The following RBFOX1 variants were observed in gnomAD, a reference collection of about 807,000 sequenced individuals.
RBFOX1 encodes RNA binding fox-1 homolog 1, also known as RNA binding protein fox-1 homolog 1.
In RBFOX1, 8 loss-of-function variants were observed where a neutral mutation model predicts 57.7. The observed-to-expected ratio is 0.14, with a 90% CI of 0.08 to 0.25. The LOEUF is 0.25. Among genes scored for constraint, RBFOX1 ranks in the 10% least tolerant of loss-of-function variants. The probability of loss-of-function intolerance (pLI) is 1.00; values close to 1 mark genes in which losing one functional copy is unlikely to be tolerated. For synonymous variants in RBFOX1, 326 were observed against 222.4 expected, an observed-to-expected ratio of 1.47 and a Z score of -4.15; for missense variants, 611 against 548.5, an observed-to-expected ratio of 1.11 and a Z score of -1.14.
chr16:6,274,002 T>C (rs2152682334), intron 1 of RBFOX1, among the ~76,000 whole-genome samples: 1 of 152,300 alleles, frequency 6.6e-6, no homozygotes, highest in South Asian at 2.1e-4. Context: ...GTGGTATCAG[T>C]GCACACCTAT....
intron 3 of RBFOX1, among the ~76,000 whole-genome samples, chr16:6,918,610 C>T (rs1441881747): frequency 1.3e-5 from 2 of 152,132 alleles, no homozygotes; most frequent in African/African-American, 2.4e-5. Flanking sequence ...ATTTATCTTA[C>T]CCAAATCTCA....
Position 5,442,323 on chromosome 16 carries a change from C to T in RBFOX1, c.220-24893C>T, listed in dbSNP as rs553629182. ...ATTCATGCGGAGCTGCAGAGGGAGC[C>T]AGGGCCAGGCCACAAGGCCAAGGAA... On this transcript the variant is annotated intron_variant, in intron 1 of 2. Coordinates refer to the RBFOX1 transcript ENST00000585867. Among the ~76,000 whole-genome samples, 8 of 152,330 alleles carry T rather than the reference C, an allele frequency of 5.3e-5. No homozygotes were observed. In the East Asian group the frequency reaches 1.4e-3, roughly 26 times the overall value.
intron 1 of RBFOX1, among the ~76,000 whole-genome samples, chr16:6,280,875 T>C (rs1272085174): frequency 6.6e-6 from 1 of 151,958 alleles, no homozygotes; most frequent in African/African-American, 2.4e-5. Context: ...TGAGATTTTT[T>C]GTTAATATAT....
chr16:6,747,375 C>G (rs1439239479), intron 3 of RBFOX1, among the ~76,000 whole-genome samples: 5 of 151,810 alleles, frequency 3.3e-5, no homozygotes, highest in Non-Finnish European at 7.4e-5. Flanking sequence ...CCATTGCCCT[C>G]CAGACTGGGC....
intron 1 of RBFOX1, among the ~76,000 whole-genome samples, chr16:5,346,645 A>G (rs1181549742): frequency 6.6e-6 from 1 of 152,192 alleles, no homozygotes; most frequent in Admixed American, 6.5e-5. Flanking sequence ...TTTCAGTGCA[A>G]TACAGGAGAG....
At chr16:7,491,957 A>G (rs2067108957) in intron 4 of RBFOX1, among the ~76,000 whole-genome samples, 1 of 152,124 alleles carries the variant, frequency 6.6e-6, no homozygotes, top group Non-Finnish European at 1.5e-5. Flanking sequence ...CTGAATATTG[A>G]TGATTATAGT....
chr16:6,778,769 T>C (rs1032356374), intron 3 of RBFOX1, among the ~76,000 whole-genome samples: 1 of 152,226 alleles, frequency 6.6e-6, no homozygotes, highest in East Asian at 1.9e-4. Flanking sequence ...TTTTCTTGTT[T>C]ATCGCACACA....
intron 4 of RBFOX1, among the ~76,000 whole-genome samples, chr16:7,430,680 C>T (rs901227711): frequency 1.4e-5 from 2 of 147,820 alleles, no homozygotes; most frequent in African/African-American, 2.6e-5. Flanking sequence ...AAAAAAGTAC[C>T]CACCCATTCT....
At chr16:5,776,591 A>G (rs949517032) in intron 3 of RBFOX1, among the ~76,000 whole-genome samples, 1 of 152,250 alleles carries the variant, frequency 6.6e-6, no homozygotes, top group Non-Finnish European at 1.5e-5. Flanking sequence ...GTCTTTTATT[A>G]TGAAGAACGA....
At chr16:5,723,558 T>C (rs535642274) in intron 3 of RBFOX1, among the ~76,000 whole-genome samples, 7 of 151,690 alleles carry the variant, frequency 4.6e-5, no homozygotes, top group East Asian at 1.9e-4. Flanking sequence ...GGTCTAAGGT[T>C]GAGTAGTCAG....
At chr16:5,569,996 G>T (rs1057006080) in intron 2 of RBFOX1, among the ~76,000 whole-genome samples, 5 of 152,170 alleles carry the variant, frequency 3.3e-5, no homozygotes, top group Non-Finnish European at 5.9e-5. Flanking sequence ...TTCACATTAG[G>T]AGTGGAGTTT....
At chr16:6,810,464 A>G (rs1350910410) in intron 3 of RBFOX1, among the ~76,000 whole-genome samples, 1 of 151,958 alleles carries the variant, frequency 6.6e-6, no homozygotes, top group African/African-American at 2.4e-5. Context: ...AAGGTATCTA[A>G]TTTTCCGTTC....
In RBFOX1 at chr16:7,676,771, T is replaced by C. The variant is rs1597853857; in HGVS notation, c.931-3T>C. 5.0e-6 allele frequency: 8 copies of C among 1,612,138 alleles called. No individual in the cohort carries two copies. In the Admixed American group the frequency reaches 1.2e-4, roughly 24 times the overall value. On this transcript the variant is annotated splice_region_variant and splice_polypyrimidine_tract_variant and intron_variant, in intron 13 of 15. Transcript: ENST00000550418. ...CTGAGTCACATTTCTCCTTGTGTTTTAGGGTGGTTATGCTGCATACCGCTA... is the reference window on the plus strand; with the variant it reads ...CTGAGTCACATTTCTCCTTGTGTTTCAGGGTGGTTATGCTGCATACCGCTA...
At chr16:6,234,649 T>C (rs2097491240) in intron 1 of RBFOX1, among the ~76,000 whole-genome samples, 1 of 152,178 alleles carries the variant, frequency 6.6e-6, no homozygotes, top group Non-Finnish European at 1.5e-5. Context: ...GACTCAGTAA[T>C]GGTGGCATTG....
At chr16:5,793,019 A>G (rs1042071914) in intron 3 of RBFOX1, among the ~76,000 whole-genome samples, 1 of 152,232 alleles carries the variant, frequency 6.6e-6, no homozygotes, top group African/African-American at 2.4e-5. Context: ...ATCTACATAG[A>G]AATGAACCCC....
chr16:6,565,854 G>C (rs2097258203), intron 2 of RBFOX1, among the ~76,000 whole-genome samples: 1 of 152,208 alleles, frequency 6.6e-6, no homozygotes, highest in African/African-American at 2.4e-5. Flanking sequence ...ATCAATCAGG[G>C]TAAGACAGGC....
chr16:6,840,518 A>T (rs919828848), intron 3 of RBFOX1, among the ~76,000 whole-genome samples: 11 of 152,108 alleles, frequency 7.2e-5, no homozygotes, highest in African/African-American at 2.7e-4. Context: ...CCAAGGTGAT[A>T]GTATTAGAAA....
At chr16:7,476,518 C>T (rs1020971380) in intron 4 of RBFOX1, among the ~76,000 whole-genome samples, 1 of 152,202 alleles carries the variant, frequency 6.6e-6, no homozygotes, top group Non-Finnish European at 1.5e-5. Context: ...GTTCACACAA[C>T]TCAGAAGATA....
At chr16:5,307,883 G>T (rs560577912) in intron 1 of RBFOX1, among the ~76,000 whole-genome samples, 3 of 152,214 alleles carry the variant, frequency 2.0e-5, no homozygotes, top group African/African-American at 7.2e-5. Flanking sequence ...TCACCATGTG[G>T]CCCTGGCTGG....
Sources: gnomAD v4.1 joint callset for allele counts (sites outside exome capture counted in the v4.1 genomes callset) on GRCh38, gnomAD v4.1.1 for gene constraint, MANE v1.5 for transcripts, NCBI Gene and HGNC (gene_info 2026-07-23, HGNC 2026-07-21) for gene names.